Variants in NXPE4 observed in about 807,000 individuals in gnomAD.
The protein encoded by NXPE4 is NXPE family member 4.
NXPE4 carries 42 observed loss-of-function variants against 33.3 expected under a neutral mutation model. That is an observed-to-expected ratio of 1.26 (90% CI 0.98 to 1.63). The LOEUF is 1.63. Among genes scored for constraint, NXPE4 ranks in the 40% most tolerant of loss-of-function variants. The pLI, the probability that NXPE4 is intolerant of heterozygous loss-of-function variation, is 0.00. For synonymous variants in NXPE4, 253 were observed against 234.9 expected, an observed-to-expected ratio of 1.08 and a Z score of -0.71; for missense variants, 709 against 647.6, an observed-to-expected ratio of 1.09 and a Z score of -1.03.
chr11:114,653,085 T>C, the NXPE4 span, among the ~76,000 whole-genome samples: 2 of 152,352 alleles, frequency 1.3e-5, no homozygotes, highest in East Asian at 1.9e-4. Flanking sequence ...ACTCATTGAA[T>C]GTATAAATTT....
the NXPE4 span, among the ~76,000 whole-genome samples, chr11:114,620,618 A>G: frequency 4.6e-5 from 7 of 151,888 alleles, no homozygotes; most frequent in African/African-American, 1.5e-4. Context: ...CGCGGTGGAT[A>G]ATAAGTGTTG....
the NXPE4 span, among the ~76,000 whole-genome samples, chr11:114,635,950 T>C: frequency 3.3e-5 from 5 of 151,992 alleles, no homozygotes; most frequent in African/African-American, 9.6e-5. Context: ...TCTCTGCCCG[T>C]CTTTGGTATC....
chr11:114,571,403 G>T lies in NXPE4; in HGVS notation c.1170C>A (p.Asn390Lys). The T allele has an allele frequency of 6.2e-7, 1 of 1,613,580 alleles. No homozygotes were observed. Among genetic ancestry groups the T allele is most frequent in the Non-Finnish European group, 8.5e-7 (1 of 1,179,594 alleles). The change falls in exon 6 of 6, where the codon AAC (asparagine) becomes AAA (lysine). Residue 390 changes from asparagine to lysine, a missense_variant. Transcript: ENST00000375478. ...QHQLAVDLDR[N>K]INIQWQKYCY... ...AATATTTTTGCCACTGGATGTTGATGTTCCTATCCAAATCCACAGCAAGCT... is the reference window on the plus strand; with the variant it reads ...AATATTTTTGCCACTGGATGTTGATTTTCCTATCCAAATCCACAGCAAGCT...
the NXPE4 span, among the ~76,000 whole-genome samples, chr11:114,601,406 T>A: frequency 7.2e-6 from 1 of 139,600 alleles, no homozygotes; most frequent in Non-Finnish European, 1.5e-5. Context: ...TCCGTGTTGC[T>A]GCAAAAGATG....
chr11:114,572,379 T>C (rs2135174740), intron 5 of NXPE4, among the ~76,000 whole-genome samples: 1 of 152,166 alleles, frequency 6.6e-6, no homozygotes, highest in South Asian at 2.1e-4. Context: ...AATCTCTGAA[T>C]TGCAGGAAAA....
At chr11:114,608,883 A>C in the NXPE4 span, among the ~76,000 whole-genome samples, 2 of 150,512 alleles carry the variant, frequency 1.3e-5, no homozygotes, top group Non-Finnish European at 3.0e-5. Flanking sequence ...GGTGGATACC[A>C]AGTATTGCCT....
chr11:114,634,307 G>A, the NXPE4 span, among the ~76,000 whole-genome samples: 1 of 152,048 alleles, frequency 6.6e-6, no homozygotes, highest in Admixed American at 6.6e-5. Flanking sequence ...TTTTGATAGA[G>A]TTGTTTGTTA....
the NXPE4 span, among the ~76,000 whole-genome samples, chr11:114,626,018 G>C: frequency 6.6e-6 from 1 of 152,242 alleles, no homozygotes; most frequent in African/African-American, 2.4e-5. Context: ...TTGGCTCAAA[G>C]GGTCCTACGC....
chr11:114,581,646 G>T, intron 4 of NXPE4, 79 bp downstream of exon 4: 2 of 1,201,390 alleles, frequency 1.7e-6, no homozygotes, highest in East Asian at 2.4e-5. Flanking sequence ...CTGAAACAGT[G>T]AACAAATCCA....
At chr11:114,660,850 A>G in the NXPE4 span, among the ~76,000 whole-genome samples, 3 of 152,174 alleles carry the variant, frequency 2.0e-5, no homozygotes, top group African/African-American at 4.8e-5. Flanking sequence ...AAAATTCCAA[A>G]GAATCTACAT....
the NXPE4 span, among the ~76,000 whole-genome samples, chr11:114,671,027 A>T: frequency 6.7e-6 from 1 of 148,674 alleles, no homozygotes; most frequent in East Asian, 1.9e-4. Context: ...GAGATTGTCA[A>T]TAAGGACAAA....
chr11:114,669,963 C>A, the NXPE4 span, among the ~76,000 whole-genome samples: 1 of 151,946 alleles, frequency 6.6e-6, no homozygotes, highest in Non-Finnish European at 1.5e-5. Context: ...GGGTTAAGAG[C>A]AAGCTGGCAG....
the NXPE4 span, among the ~76,000 whole-genome samples, chr11:114,643,761 GA>G: frequency 2.0e-5 from 3 of 151,902 alleles, no homozygotes; most frequent in African/African-American, 7.3e-5. Flanking sequence ...GGTACCATAT[GA>G]AACTTAAAGT....
At chr11:114,603,568 C>A in the NXPE4 span, among the ~76,000 whole-genome samples, 1 of 151,222 alleles carries the variant, frequency 6.6e-6, no homozygotes, top group Admixed American at 6.6e-5. Context: ...ATAAGTATTG[C>A]CTCGTCTCCT....
the NXPE4 span, among the ~76,000 whole-genome samples, chr11:114,615,019 T>G: frequency 6.6e-6 from 1 of 151,810 alleles, no homozygotes. Flanking sequence ...TGTTTCCTCG[T>G]GGGTAACCAG....
chr11:114,619,642 A>T, the NXPE4 span, among the ~76,000 whole-genome samples: 2 of 151,278 alleles, frequency 1.3e-5, no homozygotes, highest in Non-Finnish European at 2.9e-5. Context: ...AACCACTGTT[A>T]CCCTGTGGAT....
the NXPE4 span, among the ~76,000 whole-genome samples, chr11:114,604,811 G>A: frequency 6.6e-6 from 1 of 152,190 alleles, no homozygotes; most frequent in Admixed American, 6.5e-5. Context: ...GGTAACCACT[G>A]TTACCTGGTG....
At chr11:114,609,076 A>T in the NXPE4 span, among the ~76,000 whole-genome samples, 2 of 151,852 alleles carry the variant, frequency 1.3e-5, no homozygotes, top group Non-Finnish European at 2.9e-5. Flanking sequence ...AACCACTGTT[A>T]TCCGGTGGAT....
chr11:114,597,233 T>A (rs1340515137), upstream of NXPE4, among the ~76,000 whole-genome samples: 9 of 152,014 alleles, frequency 5.9e-5, no homozygotes, highest in Admixed American at 2.0e-4. Flanking sequence ...TAATAAAAAA[T>A]GTTTGATTAG....
Sources: allele counts gnomAD v4.1 joint callset (sites outside exome capture counted in the v4.1 genomes callset), GRCh38; gene constraint gnomAD v4.1.1; transcripts MANE v1.5; gene names NCBI Gene and HGNC (gene_info 2026-07-23, HGNC 2026-07-21).